The following ADAMTSL3 variants were observed in gnomAD, a reference collection of about 807,000 sequenced individuals.
ADAMTSL3 encodes the protein ADAMTS-like protein 3.
ADAMTSL3 carries 128 observed loss-of-function variants against 201.7 expected under a neutral mutation model. The observed-to-expected ratio is 0.63, with a 90% confidence interval of 0.55 to 0.73. The LOEUF is 0.73. ADAMTSL3 is among the 30% of genes least tolerant of loss of function. The pLI is 0.00. For synonymous variants in ADAMTSL3, 738 were observed against 748.4 expected (o/e 0.99, Z 0.23); for missense variants, 1,990 against 2,119.6 (o/e 0.94, Z 1.20).
At chr15:83,837,350 A>G (rs1385349375) in intron 6 of ADAMTSL3, among the ~76,000 whole-genome samples, 3 of 152,050 alleles carry the variant, frequency 2.0e-5, no homozygotes, top group African/African-American at 7.2e-5. Flanking sequence ...AAAGATATTT[A>G]AAGTAAAACT....
At chr15:83,826,397 A>G (rs1200769873) in intron 6 of ADAMTSL3, among the ~76,000 whole-genome samples, 1 of 150,408 alleles carries the variant, frequency 6.6e-6, no homozygotes, top group African/African-American at 2.4e-5. Flanking sequence ...CACTGGGGTT[A>G]TAGACATGAG....
chr15:83,720,395 T>C (rs757919048), intron 3 of ADAMTSL3, among the ~76,000 whole-genome samples: 1 of 152,362 alleles, frequency 6.6e-6, no homozygotes, highest in East Asian at 1.9e-4. Context: ...CTTAAATGTT[T>C]GGTCCCTGAC....
chr15:83,913,012 G>A lies in ADAMTSL3; in HGVS notation c.1701-80G>A, dbSNP rs2065960071. 2.7e-6 allele frequency: 4 copies of A among 1,473,338 alleles called. No individual in the cohort carries two copies. In the East Asian group the frequency reaches 9.2e-5, roughly 34 times the overall value. 91.3% of individuals were successfully genotyped at this position (1,473,338 alleles called of 1,614,324 possible). On this transcript the variant is annotated intron_variant, in intron 15 of 29. Transcript: ENST00000286744. ...GAAGCTGGTTATTTTTGCCTTCGTTGAATGTGTCACTCCTCCTTTTCTGGC... is the reference window on the plus strand; with the variant it reads ...GAAGCTGGTTATTTTTGCCTTCGTTAAATGTGTCACTCCTCCTTTTCTGGC...
At chr15:83,757,079 C>T (rs530699357) in intron 3 of ADAMTSL3, among the ~76,000 whole-genome samples, 7 of 152,198 alleles carry the variant, frequency 4.6e-5, no homozygotes, top group Non-Finnish European at 8.8e-5. Flanking sequence ...GCACACGGTG[C>T]AGGCGGTCAG....
At chr15:83,712,618 G>A (rs906268605) in intron 3 of ADAMTSL3, among the ~76,000 whole-genome samples, 2 of 152,146 alleles carry the variant, frequency 1.3e-5, no homozygotes, top group Non-Finnish European at 2.9e-5. Flanking sequence ...GCCATGATCC[G>A]GGGAGTGTTC....
At chr15:83,879,726 T>C (rs2065237846) in intron 9 of ADAMTSL3, among the ~76,000 whole-genome samples, 1 of 152,260 alleles carries the variant, frequency 6.6e-6, no homozygotes, top group African/African-American at 2.4e-5. Context: ...GTTCTATGTA[T>C]GTCAATTAGG....
At chr15:83,953,399 A>G (rs2066792237) in intron 19 of ADAMTSL3, among the ~76,000 whole-genome samples, 1 of 90,718 alleles carries the variant, frequency 1.1e-5, no homozygotes, top group Non-Finnish European at 2.9e-5. Flanking sequence ...GTGTAAACAA[A>G]CACACAAAAA....
intron 14 of ADAMTSL3, among the ~76,000 whole-genome samples, chr15:83,898,354 A>C (rs2065658264): frequency 6.6e-6 from 1 of 152,200 alleles, no homozygotes; most frequent in African/African-American, 2.4e-5. Context: ...GGAAAAGTAG[A>C]AGGAAGACAA....
At chr15:83,827,539 G>T (rs1413994141) in intron 6 of ADAMTSL3, among the ~76,000 whole-genome samples, 1 of 152,106 alleles carries the variant, frequency 6.6e-6, no homozygotes, top group Non-Finnish European at 1.5e-5. Flanking sequence ...GTCAAGTTTG[G>T]CTTTTGTTGC....
At chr15:83,884,988 C>T in intron 9 of ADAMTSL3, 113 bp from the exon 10 acceptor site, 1 of 660,126 alleles carries the variant, frequency 1.5e-6, no homozygotes, top group Non-Finnish European at 2.6e-6. Context: ...CATAGTTTTT[C>T]TAATGGATGG....
intron 5 of ADAMTSL3, among the ~76,000 whole-genome samples, chr15:83,812,593 G>A (rs1238549714): frequency 6.6e-6 from 1 of 152,166 alleles, no homozygotes; most frequent in African/African-American, 2.4e-5. Context: ...GTAGTCTGCT[G>A]TATGGAGAAG....
chr15:83,940,426 C>G (rs977110099), intron 17 of ADAMTSL3, among the ~76,000 whole-genome samples: 1 of 152,208 alleles, frequency 6.6e-6, no homozygotes, highest in Non-Finnish European at 1.5e-5. Flanking sequence ...CTCTTCCTGA[C>G]TTGCAGACAG....
Position 83,704,375 on chromosome 15 carries a change from A to G in ADAMTSL3, c.70-14A>G. The G allele has an allele frequency of 6.2e-7, 1 of 1,614,028 alleles. No homozygotes were observed. The highest frequency in any genetic ancestry group is 1.3e-5 in the African/African-American group (1 of 75,004). ...CTGGAGCCTTATTTGTGACCAAATG[A>G]TCTTGTTTTTCAGACCACAGCTGAG... On this transcript the variant is annotated splice_polypyrimidine_tract_variant and intron_variant, in intron 2 of 29. Transcript: ENST00000286744.
chr15:83,710,490 A>G (rs2061919549), intron 3 of ADAMTSL3, among the ~76,000 whole-genome samples: 1 of 151,892 alleles, frequency 6.6e-6, no homozygotes, highest in Non-Finnish European at 1.5e-5. Context: ...ACCACCTTCA[A>G]CAGGCATCCT....
intron 16 of ADAMTSL3, among the ~76,000 whole-genome samples, chr15:83,915,243 C>A (rs547962939): frequency 5.3e-5 from 8 of 152,304 alleles, no homozygotes; most frequent in African/African-American, 1.9e-4. Flanking sequence ...GTTTCATCTT[C>A]TTCTCCTGAC....
intron 19 of ADAMTSL3, among the ~76,000 whole-genome samples, 179 bp from the exon 20 acceptor site, chr15:83,970,305 A>T (rs533032277): frequency 1.0e-3 from 157 of 152,114 alleles, no homozygotes; most frequent in African/African-American, 3.5e-3. Flanking sequence ...AGGGAAGGGG[A>T]GGAGAGGAGG....
intron 23 of ADAMTSL3, among the ~76,000 whole-genome samples, chr15:84,005,624 C>T (rs1413194444): frequency 6.6e-6 from 1 of 152,252 alleles, no homozygotes; most frequent in Non-Finnish European, 1.5e-5. Flanking sequence ...TGTCTGGTGG[C>T]GTTAAAGAAC....
rs7176737 is a variant in ADAMTSL3 at position 83,982,538 on chromosome 15, T to C, written c.2910T>C (p.His970=). The C allele has an allele frequency of 0.8, 1,283,445 of 1,614,050 alleles. 512,664 individuals are homozygous for C. Among genetic ancestry groups the C allele is most frequent in the East Asian group, 0.95 (42,774 of 44,870 alleles). The stretch of plus-strand genomic sequence containing the variant: ...CCAAGTCAGGCTCACTAAAAATCCA[T>C]GGTCTTGCTGCCCCCGACATCGGCG... The part of the protein sequence containing the change: ...GITKSGSLKI[H]GLAAPDIGVY... Residue 970 remains histidine, a synonymous_variant, in exon 21 of 30, where the codon CAT becomes CAC. Coordinates refer to ENST00000286744, the MANE Select transcript of ADAMTSL3 (RefSeq NM_207517.3).
chr15:84,022,539 T>C (rs2068222679), intron 26 of ADAMTSL3, among the ~76,000 whole-genome samples: 1 of 152,226 alleles, frequency 6.6e-6, no homozygotes. Flanking sequence ...ACTAAAAATA[T>C]ATTTTACATT....
Sources: allele counts gnomAD v4.1 joint callset (sites outside exome capture counted in the v4.1 genomes callset), GRCh38; gene constraint gnomAD v4.1.1; transcripts MANE v1.5; gene names NCBI Gene and HGNC (gene_info 2026-07-23, HGNC 2026-07-21).